NFASC: variants seen among roughly 807,000 people sequenced by gnomAD.
The protein encoded by NFASC is neurofascin, also known as neurofascin homolog.
In NFASC, 43 loss-of-function variants were observed where a neutral mutation model predicts 147.5. That is an observed-to-expected ratio of 0.29 (90% CI 0.23 to 0.38). The LOEUF (loss-of-function observed/expected upper bound fraction) is 0.38, where lower values mean the gene tolerates loss of function less well. Ranked by LOEUF, NFASC falls within the 10% of genes least tolerant of loss-of-function variation. The pLI is 1.00. For missense variants in NFASC, 1,320 were observed against 1,689.0 expected (o/e 0.78, Z 3.83); for synonymous variants, 622 against 665.5 (o/e 0.93, Z 1.01).
Position 204,968,148 on chromosome 1 carries a change from C to A in NFASC, c.707-101C>A. The A allele has an allele frequency of 2.4e-6, 2 of 826,892 alleles. No individual in the cohort carries two copies. Among genetic ancestry groups the A allele is most frequent in the Admixed American group, 1.9e-5 (1 of 53,310 alleles). 51.2% of individuals were successfully genotyped at this position (826,892 alleles called of 1,614,324 possible). On this transcript the variant is annotated intron_variant, in intron 8 of 29. Transcript: ENST00000339876. This position sits in a 1 kb window ranked among gnomAD's most constrained non-coding sequence, Gnocchi z 5.4. The stretch of plus-strand genomic sequence containing the variant: ...GATGGTTTCAGCTGGGAGGATCCGG[C>A]AGGGGCGGTGATGCCACTTCTCTCT...
intron 1 of NFASC, among the ~76,000 whole-genome samples, chr1:204,907,848 G>A (rs2086336251): frequency 6.6e-6 from 1 of 152,126 alleles, no homozygotes; most frequent in Non-Finnish European, 1.5e-5. Context: ...TGATGCCTTG[G>A]CATTTTATTC....
chr1:205,009,509 C>T (rs1401796962), intron 27 of NFASC, 48 bp from the exon 28 acceptor site: 2 of 1,603,320 alleles, frequency 1.2e-6, no homozygotes, highest in South Asian at 1.1e-5. Context: ...TCCTCACCAT[C>T]TCCCCCATGA....
chr1:204,861,939 G>A (rs2076718005), intron 1 of NFASC, among the ~76,000 whole-genome samples: 1 of 152,150 alleles, frequency 6.6e-6, no homozygotes, highest in Non-Finnish European at 1.5e-5. Context: ...GACATGGGTG[G>A]ACACAACATG....
At chr1:204,864,460 G>T (rs2076957650) in intron 1 of NFASC, among the ~76,000 whole-genome samples, 3 of 152,190 alleles carry the variant, frequency 2.0e-5, no homozygotes. Flanking sequence ...CAAAGTGGCT[G>T]CACTATTTTA....
At chr1:204,933,899 A>G (rs1383237494) in intron 2 of NFASC, among the ~76,000 whole-genome samples, 1 of 152,148 alleles carries the variant, frequency 6.6e-6, no homozygotes, top group African/African-American at 2.4e-5. Context: ...GCACTTGGGG[A>G]GGCCAACGTG....
At chr1:204,926,045 CCAGA>C (rs1186547694) in intron 2 of NFASC, among the ~76,000 whole-genome samples, 1 of 151,596 alleles carries the variant, frequency 6.6e-6, no homozygotes, top group Non-Finnish European at 1.5e-5. Context: ...GAGATAGAGA[CCAGA>C]CAGTTTGTGA....
At chr1:204,842,767 G>A (rs1223772002) in intron 1 of NFASC, among the ~76,000 whole-genome samples, 2 of 152,206 alleles carry the variant, frequency 1.3e-5, no homozygotes, top group South Asian at 2.1e-4. Flanking sequence ...GATGGGCTTC[G>A]GGAACTACTG....
At chr1:204,847,546 G>A (rs561764143) in intron 1 of NFASC, among the ~76,000 whole-genome samples, 129 of 152,256 alleles carry the variant, frequency 8.5e-4, no homozygotes, top group African/African-American at 2.9e-3. Context: ...GACTTGCTCC[G>A]ACTACAGAGA....
At chr1:204,967,007 T>A (rs1161913160) in intron 8 of NFASC, among the ~76,000 whole-genome samples, 1 of 152,056 alleles carries the variant, frequency 6.6e-6, no homozygotes, top group Non-Finnish European at 1.5e-5. Context: ...CTGGATAAAG[T>A]TCCCCCGCAC....
chr1:204,954,116 G>A lies in NFASC; in HGVS notation c.216-72G>A. 1 of 1,390,192 alleles carries A rather than the reference G, an allele frequency of 7.2e-7. No homozygotes were observed. Among genetic ancestry groups the A allele is most frequent in the Non-Finnish European group, 1.0e-6 (1 of 981,782 alleles). 86.1% of individuals were successfully genotyped at this position (1,390,192 alleles called of 1,614,324 possible). A position where few individuals can be genotyped will look rare whatever the true frequency, so the allele number is the denominator to read the frequency against. ...TTTTGGTACTGAGCCAGGGACTAGGGATCTGAGATCTGCCTGGAGCCCAGA... is the reference window on the plus strand; with the variant it reads ...TTTTGGTACTGAGCCAGGGACTAGGAATCTGAGATCTGCCTGGAGCCCAGA... On this transcript the variant is annotated intron_variant, in intron 5 of 29. Transcript: ENST00000339876. The surrounding 1 kb of genome is among the most constrained non-coding windows in gnomAD (Gnocchi z 5.7).
chr1:204,954,711 C>T lies in NFASC; in HGVS notation c.413-118C>T. 1 of 1,243,652 alleles carries T rather than the reference C, an allele frequency of 8.0e-7. No homozygotes were observed. The highest frequency in any genetic ancestry group is 1.9e-5 in the Admixed American group (1 of 51,522). The allele number at this position is 1,243,652 out of a possible 1,614,324, so 77.0% of individuals were successfully genotyped here. A position where few individuals can be genotyped will look rare whatever the true frequency, so the allele number is the denominator to read the frequency against. Reference sequence around the variant, plus strand: ...CGTGCCCCGTCCCTCTCTCTTGCTCCCTCCTTCTCCAGGTGCCCCTTCTGT... The same window carrying T: ...CGTGCCCCGTCCCTCTCTCTTGCTCTCTCCTTCTCCAGGTGCCCCTTCTGT... On this transcript the variant is annotated intron_variant, in intron 6 of 29. Transcript: ENST00000339876. The surrounding 1 kb of genome is among the most constrained non-coding windows in gnomAD (Gnocchi z 5.7).
chr1:204,911,199 T>C (rs1056748428), intron 1 of NFASC, among the ~76,000 whole-genome samples: 4 of 152,218 alleles, frequency 2.6e-5, no homozygotes, highest in African/African-American at 9.6e-5. Context: ...TTGACACGAT[T>C]GTGTAATTTT....
intron 2 of NFASC, among the ~76,000 whole-genome samples, chr1:204,928,190 G>A (rs1036346151): frequency 6.6e-6 from 1 of 152,172 alleles, no homozygotes; most frequent in Admixed American, 6.5e-5. Context: ...TCTTATTTAA[G>A]CCAGCCCTTC....
intron 2 of NFASC, among the ~76,000 whole-genome samples, chr1:204,940,380 G>C (rs574745553): frequency 2.6e-5 from 4 of 152,250 alleles, no homozygotes; most frequent in African/African-American, 9.6e-5. Context: ...TTGAACCCAG[G>C]AGGTGGAGGC....
rs1313609338 is a variant in NFASC at position 204,954,768 on chromosome 1, G to A, written c.413-61G>A. ...TCCTTGCATGCCTGCCTCTGACCCTGCTCCTTGCCCCGGGCCCAGCCATCA... is the reference window on the plus strand; with the variant it reads ...TCCTTGCATGCCTGCCTCTGACCCTACTCCTTGCCCCGGGCCCAGCCATCA... On this transcript the variant is annotated intron_variant, in intron 6 of 29. Transcript: ENST00000339876. This position sits in a 1 kb window ranked among gnomAD's most constrained non-coding sequence, Gnocchi z 5.7. 5 of 1,593,490 alleles carry A rather than the reference G, an allele frequency of 3.1e-6. No homozygotes were observed. In the Admixed American group the frequency reaches 5.1e-5, roughly 16 times the overall value.
intron 16 of NFASC, among the ~76,000 whole-genome samples, chr1:204,977,402 T>C (rs1232606970): frequency 6.6e-6 from 1 of 152,100 alleles, no homozygotes; most frequent in East Asian, 1.9e-4. Context: ...CCACTAGCAT[T>C]GGCGCAGTGG....
chr1:204,948,548 C>T (rs762249588), intron 3 of NFASC: 23 of 516,988 alleles, frequency 4.4e-5, no homozygotes, highest in African/African-American at 9.7e-5. Flanking sequence ...CCAGCTGGCT[C>T]GCTCACCTCT....
At chr1:204,871,143 G>C in intron 1 of NFASC, 1 of 1,252,504 alleles carries the variant, frequency 8.0e-7, no homozygotes, top group Non-Finnish European at 1.0e-6. Flanking sequence ...GGCCTTCAAA[G>C]ACTCTGAAGC....
At chr1:204,961,767 A>G (rs2094683856) in intron 8 of NFASC, among the ~76,000 whole-genome samples, 1 of 152,272 alleles carries the variant, frequency 6.6e-6, no homozygotes, top group South Asian at 2.1e-4. Context: ...AAAGATGGCT[A>G]CAGGACACCA....
Sources: allele counts gnomAD v4.1 joint callset (sites outside exome capture counted in the v4.1 genomes callset), GRCh38; gene constraint gnomAD v4.1.1; non-coding constraint Gnocchi (gnomAD v3.1); transcripts MANE v1.5; gene names NCBI Gene and HGNC (gene_info 2026-07-23, HGNC 2026-07-21).